GLMN: variants seen among roughly 807,000 people sequenced by gnomAD.
GLMN encodes the protein glomulin.
GLMN carries 75 observed loss-of-function variants against 87.8 expected under a neutral mutation model. That is an observed-to-expected ratio of 0.85 (90% CI 0.71 to 1.04). The LOEUF is 1.04. Ranked by LOEUF, GLMN falls within the 50% of genes least tolerant of loss-of-function variation. The pLI, the probability that GLMN is intolerant of heterozygous loss-of-function variation, is 0.00. For missense variants in GLMN, 588 were observed against 658.8 expected, an observed-to-expected ratio of 0.89 and a Z score of 1.18; for synonymous variants, 206 against 221.6, an observed-to-expected ratio of 0.93 and a Z score of 0.63.
Position 92,263,654 on chromosome 1 carries a change from C to T in GLMN, c.1378G>A (p.Ala460Thr). 1 of 1,576,956 alleles carries T rather than the reference C, an allele frequency of 6.3e-7. No individual in the cohort carries two copies. Among genetic ancestry groups the T allele is most frequent in the South Asian group, 1.1e-5 (1 of 90,350 alleles). Residue 460 changes from alanine to threonine, a missense_variant, in exon 15 of 19, where the codon GCA becomes ACA. By Grantham distance (58) the Ala-to-Thr change is moderately conservative. Coordinates refer to ENST00000370360, the MANE Select transcript of GLMN (RefSeq NM_053274.3). ...LDLVLFLPEG[A>T]ETDLLQNSDR... is the part of the protein sequence containing the mutation. ...GAGTTTTGCAGTAAATCTGTTTCTG[C>T]ACCCTCTGGGAGAAAAAGTACCAAA... is the stretch of plus-strand genomic sequence containing the variant.
the GLMN span, chr1:92,324,029 T>G: frequency 6.2e-7 from 1 of 1,613,944 alleles, no homozygotes; most frequent in South Asian, 1.1e-5. Context: ...CTTAAAGTTT[T>G]GAAGGAGACT....
the GLMN span, among the ~76,000 whole-genome samples, chr1:92,344,362 G>A: frequency 1.3e-5 from 2 of 152,186 alleles, no homozygotes; most frequent in South Asian, 4.1e-4. Context: ...CTGAGAGCAT[G>A]CCACTGCACT....
the GLMN span, among the ~76,000 whole-genome samples, chr1:92,351,305 C>CAAAAAAAAAAAA: frequency 1.3e-3 from 116 of 86,830 alleles, 4 homozygotes; most frequent in African/African-American, 4.4e-3. Context: ...GACTCTGTCT[C>CAAAAAAAAAAAA]AAAAAAAAAA....
chr1:92,356,521 C>G, the GLMN span, among the ~76,000 whole-genome samples: 3 of 150,556 alleles, frequency 2.0e-5, no homozygotes, highest in Non-Finnish European at 3.0e-5. Context: ...TGGGTTCAAG[C>G]AATCCTCCTG....
At chr1:92,281,025 C>T (rs1426822848) in intron 7 of GLMN, among the ~76,000 whole-genome samples, 1 of 152,178 alleles carries the variant, frequency 6.6e-6, no homozygotes, top group Admixed American at 6.5e-5. Flanking sequence ...GAGAATGGAA[C>T]AAAGTTAGAA....
intron 7 of GLMN, among the ~76,000 whole-genome samples, chr1:92,282,562 G>C (rs1261600373): frequency 1.3e-5 from 2 of 152,114 alleles, no homozygotes; most frequent in Non-Finnish European, 2.9e-5. Flanking sequence ...ACAATTAAAA[G>C]AATTGGAAAA....
chr1:92,286,929 A>G (rs1390041826), intron 6 of GLMN, among the ~76,000 whole-genome samples: 1 of 152,238 alleles, frequency 6.6e-6, no homozygotes, highest in Non-Finnish European at 1.5e-5. Flanking sequence ...CCCAGCCTCC[A>G]GAACTGTGAA....
intron 7 of GLMN, among the ~76,000 whole-genome samples, chr1:92,285,434 G>A (rs1032773510): frequency 1.3e-5 from 2 of 152,004 alleles, no homozygotes; most frequent in Admixed American, 6.6e-5. Context: ...TGGACACAGG[G>A]TGGGGAACAT....
intron 7 of GLMN, 79 bp downstream of exon 7, chr1:92,286,411 T>C (rs1436228757): frequency 1.4e-6 from 1 of 696,694 alleles, no homozygotes; most frequent in East Asian, 2.6e-5. Flanking sequence ...TTAATGAATG[T>C]ATCAATTTAC....
the GLMN span, among the ~76,000 whole-genome samples, chr1:92,321,785 C>T: frequency 1.7e-3 from 262 of 152,130 alleles, 2 homozygotes; most frequent in African/African-American, 5.6e-3. Flanking sequence ...TCTGCTATGA[C>T]TTTCCTGTGA....
At chr1:92,314,070 C>G in the GLMN span, among the ~76,000 whole-genome samples, 3 of 152,204 alleles carry the variant, frequency 2.0e-5, no homozygotes, top group Admixed American at 6.5e-5. Context: ...TTTCTCTATA[C>G]CAGCAATAAG....
At chr1:92,304,137 G>T in the GLMN span, 5 of 1,333,182 alleles carry the variant, frequency 3.8e-6, no homozygotes, top group Non-Finnish European at 5.3e-6. Flanking sequence ...AAAATACTTT[G>T]TTGTAAGAAT....
chr1:92,285,115 T>A (rs1648572030), intron 7 of GLMN, among the ~76,000 whole-genome samples: 2 of 152,306 alleles, frequency 1.3e-5, no homozygotes, highest in East Asian at 3.9e-4. Context: ...CAATACTGGG[T>A]ATATACCCAA....
chr1:92,271,482 C>T lies in GLMN; in HGVS notation c.906G>A (p.Gln302=), dbSNP rs1246900209. Residue 302 remains glutamine, a synonymous_variant, in exon 8 of 19, where the codon CAG becomes CAA. Coordinates refer to ENST00000370360, the MANE Select transcript of GLMN (RefSeq NM_053274.3). ...LVFVQGIHID[Q]LPMVLSPLYL... ...ACTCTTACCTTAAGACCATTGGAAG[C>T]TGATCAATATGGATGCCCTGTACAA... 1 of 1,612,032 alleles carries T rather than the reference C, an allele frequency of 6.2e-7. No individual in the cohort carries two copies. Among genetic ancestry groups the T allele is most frequent in the African/African-American group, 1.3e-5 (1 of 74,860 alleles).
chr1:92,336,380 A>G, the GLMN span: 3 of 1,611,136 alleles, frequency 1.9e-6, no homozygotes, highest in South Asian at 2.2e-5. Flanking sequence ...TTCAGATTAC[A>G]TTGGGAGATA....
the GLMN span, among the ~76,000 whole-genome samples, chr1:92,350,941 G>A: frequency 2.0e-5 from 3 of 150,932 alleles, no homozygotes; most frequent in Non-Finnish European, 3.0e-5. Context: ...CAAAATAAAA[G>A]ATAGTCTTCT....
intron 16 of GLMN, among the ~76,000 whole-genome samples, chr1:92,261,010 G>A (rs569240735): frequency 6.6e-6 from 1 of 152,004 alleles, no homozygotes; most frequent in East Asian, 1.9e-4. Context: ...TTTTCTTTTT[G>A]TCAGGCAAGT....
rs943322606 is a variant in GLMN at position 92,298,615 on chromosome 1, C to CACGGAG, written c.-31+304_-31+309dup. Among the ~76,000 whole-genome samples the CACGGAG allele has an allele frequency of 1.8e-4, 28 of 152,200 alleles. 1 individual carries two copies. Among genetic ancestry groups the CACGGAG allele is most frequent in the Non-Finnish European group, 3.8e-4 (26 of 68,036 alleles). The stretch of plus-strand genomic sequence containing the variant: ...TCCAGCTAGTGAAATCACTGTATCA[C>CACGGAG]ACGGAGACAAGACAACGGCGGCCTT... On this transcript the variant is annotated intron_variant, in intron 1 of 18. Transcript: ENST00000370360.
At chr1:92,326,053 A>T in the GLMN span, among the ~76,000 whole-genome samples, 1 of 151,718 alleles carries the variant, frequency 6.6e-6, no homozygotes, top group Non-Finnish European at 1.5e-5. Context: ...TAGGACTGGG[A>T]ATGGTGGGTT....
Sources: gnomAD v4.1 joint callset for allele counts (sites outside exome capture counted in the v4.1 genomes callset) on GRCh38, gnomAD v4.1.1 for gene constraint, MANE v1.5 for transcripts, NCBI Gene and HGNC (gene_info 2026-07-23, HGNC 2026-07-21) for gene names.